Variants in TENM3 observed in about 807,000 individuals in gnomAD.
TENM3 encodes teneurin transmembrane protein 3.
Under a neutral mutation model 255.1 loss-of-function variants are expected in TENM3, and 63 were observed. That is an observed-to-expected ratio of 0.25 (90% CI 0.20 to 0.30). The LOEUF (loss-of-function observed/expected upper bound fraction) is 0.30, where lower values mean the gene tolerates loss of function less well. TENM3 is among the 10% of genes least tolerant of loss of function. TENM3 has a pLI of 1.00. For missense variants in TENM3, 2,929 were observed against 3,461.1 expected, an observed-to-expected ratio of 0.85 and a Z score of 3.86; for synonymous variants, 1,306 against 1,322.3, an observed-to-expected ratio of 0.99 and a Z score of 0.27.
chr4:182,730,737 C>T (rs1300099625), intron 15 of TENM3, 141 bp from the exon 16 acceptor site: 2 of 942,968 alleles, frequency 2.1e-6, no homozygotes, highest in African/African-American at 1.7e-5. Context: ...TTGGAATATT[C>T]CCATAGATCT....
chr4:181,641,234 G>A, the TENM3 span, among the ~76,000 whole-genome samples: 4 of 151,750 alleles, frequency 2.6e-5, no homozygotes, highest in East Asian at 2.0e-4. Context: ...TGTGCAGAAC[G>A]TGCAGGTTTG....
the TENM3 span, among the ~76,000 whole-genome samples, chr4:182,093,076 C>G: frequency 1.3e-5 from 2 of 152,240 alleles, no homozygotes; most frequent in East Asian, 3.9e-4. Context: ...AAACCAAAAT[C>G]TCCCTGAAAA....
intron 1 of TENM3, among the ~76,000 whole-genome samples, chr4:182,248,787 T>C (rs187873834): frequency 1.4e-3 from 215 of 152,330 alleles, no homozygotes; most frequent in South Asian, 4.3e-3. Flanking sequence ...AACCCTGCTG[T>C]TACCGAGTTC....
chr4:182,042,256 A>G, the TENM3 span, among the ~76,000 whole-genome samples: 1 of 152,196 alleles, frequency 6.6e-6, no homozygotes, highest in Non-Finnish European at 1.5e-5. Context: ...ATATAGCTCA[A>G]TGCGTTTTCT....
the TENM3 span, among the ~76,000 whole-genome samples, chr4:182,036,335 C>T: frequency 1.4e-3 from 207 of 152,186 alleles, 2 homozygotes; most frequent in African/African-American, 4.5e-3. Context: ...GGATTACAGG[C>T]GCCCGCCACC....
chr4:182,533,903 C>T (rs1740022239), intron 3 of TENM3, among the ~76,000 whole-genome samples: 1 of 150,988 alleles, frequency 6.6e-6, no homozygotes, highest in South Asian at 2.1e-4. Flanking sequence ...AGCAAGACTC[C>T]ATCTCCAAAA....
chr4:181,717,566 T>C, the TENM3 span, among the ~76,000 whole-genome samples: 2 of 152,222 alleles, frequency 1.3e-5, no homozygotes, highest in Non-Finnish European at 2.9e-5. Flanking sequence ...ACCAATGTGG[T>C]ATATGAATAC....
chr4:181,594,928 A>G, the TENM3 span, among the ~76,000 whole-genome samples: 1 of 152,072 alleles, frequency 6.6e-6, no homozygotes, highest in African/African-American at 2.4e-5. Context: ...ACATGGCAAA[A>G]TTTGATTCCT....
At position 182,607,764 on chromosome 4, in the gene TENM3, G is replaced by A. The variant is rs150238854; in HGVS notation, c.749+6603G>A. Among the ~76,000 whole-genome samples the A allele has an allele frequency of 4.0e-3, 616 of 152,258 alleles. 6 individuals are homozygous for A. The highest frequency in any genetic ancestry group is 4.6e-3 in the Non-Finnish European group (312 of 68,020). ...ATAGTCCTTAAGTGATATTGAAAGCGTAATTTCAATAAATTGCAGATACTG... is the reference window on the plus strand; with the variant it reads ...ATAGTCCTTAAGTGATATTGAAAGCATAATTTCAATAAATTGCAGATACTG... On this transcript the variant is annotated intron_variant, in intron 4 of 27. Coordinates refer to ENST00000511685, the MANE Select transcript of TENM3 (RefSeq NM_001080477.4).
chr4:181,779,929 T>A, the TENM3 span, among the ~76,000 whole-genome samples: 423 of 152,280 alleles, frequency 2.8e-3, no homozygotes, highest in Non-Finnish European at 4.0e-3. Flanking sequence ...AGAATGATGA[T>A]TTCCAGCTTC....
chr4:181,816,258 G>A, the TENM3 span, among the ~76,000 whole-genome samples: 1 of 152,118 alleles, frequency 6.6e-6, no homozygotes, highest in African/African-American at 2.4e-5. Flanking sequence ...TTGAGGAGCA[G>A]GTAAACCCCT....
At chr4:182,252,019 C>T (rs920671981) in intron 1 of TENM3, among the ~76,000 whole-genome samples, 4 of 151,932 alleles carry the variant, frequency 2.6e-5, no homozygotes, top group Non-Finnish European at 4.4e-5. Context: ...CCCATCTCTA[C>T]GAAAAATACA....
rs535845412 is a variant in TENM3 at position 182,322,117 on chromosome 4, A to G, written c.-75-1829A>G. On this transcript the variant is annotated intron_variant, in intron 1 of 27. Coordinates refer to ENST00000511685, the MANE Select transcript of TENM3 (RefSeq NM_001080477.4). Reference sequence around the variant, plus strand: ...AGGAAAGGTACAATATGAGAAATTCAGTTTCTCTTAAGAGCTATTGGAAGA... The same window carrying G: ...AGGAAAGGTACAATATGAGAAATTCGGTTTCTCTTAAGAGCTATTGGAAGA... 2.2e-4 allele frequency among the ~76,000 whole-genome samples: 34 copies of G among 152,312 alleles called. 1 individual carries two copies. The South Asian group carries it at 6.6e-3, about 30-fold the overall frequency.
At chr4:182,104,661 G>A in the TENM3 span, among the ~76,000 whole-genome samples, 2 of 151,962 alleles carry the variant, frequency 1.3e-5, no homozygotes, top group South Asian at 4.2e-4. Flanking sequence ...ACTGGCACCT[G>A]TCACCACGCC....
the TENM3 span, among the ~76,000 whole-genome samples, chr4:181,546,715 G>GAAA: frequency 1.2e-4 from 11 of 93,538 alleles, 1 homozygote; most frequent in African/African-American, 5.1e-4. Context: ...CTCCGTCTCA[G>GAAA]AAAAAAAAAA....
At chr4:181,799,479 C>T in the TENM3 span, among the ~76,000 whole-genome samples, 1 of 152,206 alleles carries the variant, frequency 6.6e-6, no homozygotes, top group Non-Finnish European at 1.5e-5. Context: ...ATTCAAGCCA[C>T]ATTTAAATTG....
At chr4:181,940,720 G>A in the TENM3 span, among the ~76,000 whole-genome samples, 1 of 152,174 alleles carries the variant, frequency 6.6e-6, no homozygotes, top group Non-Finnish European at 1.5e-5. Context: ...CAAAGTCCCC[G>A]TGGTAGCCAG....
At chr4:181,901,754 T>C in the TENM3 span, among the ~76,000 whole-genome samples, 1 of 152,186 alleles carries the variant, frequency 6.6e-6, no homozygotes, top group Non-Finnish European at 1.5e-5. Flanking sequence ...TTGGATCTTG[T>C]TTAGTGTAAA....
chr4:181,572,682 A>G, the TENM3 span, among the ~76,000 whole-genome samples: 2 of 152,182 alleles, frequency 1.3e-5, no homozygotes, highest in Non-Finnish European at 2.9e-5. Flanking sequence ...TAATAATGAC[A>G]TCATGGTAAA....
Sources: allele counts gnomAD v4.1 joint callset (sites outside exome capture counted in the v4.1 genomes callset), GRCh38; gene constraint gnomAD v4.1.1; transcripts MANE v1.5; gene names NCBI Gene and HGNC (gene_info 2026-07-23, HGNC 2026-07-21).